Variants in DNAH6 observed in about 807,000 individuals in gnomAD.
DNAH6 encodes the protein dynein axonemal heavy chain 6.
DNAH6 carries 340 observed loss-of-function variants against 491.4 expected under a neutral mutation model. The ratio of observed to expected loss-of-function variants is 0.69; its 90% CI spans 0.63 to 0.76. DNAH6 has a LOEUF of 0.76. Among genes scored for constraint, DNAH6 ranks in the 30% least tolerant of loss-of-function variants. The pLI, the probability that DNAH6 is intolerant of heterozygous loss-of-function variation, is 0.00. For synonymous variants in DNAH6, 1,603 were observed against 1,686.1 expected, an observed-to-expected ratio of 0.95 and a Z score of 1.21; for missense variants, 4,443 against 4,972.2, an observed-to-expected ratio of 0.89 and a Z score of 3.20.
chr2:84,694,015 G>A (rs561634442), intron 45 of DNAH6, among the ~76,000 whole-genome samples: 1 of 152,304 alleles, frequency 6.6e-6, no homozygotes, highest in South Asian at 2.1e-4. Flanking sequence ...AAATTTGTAC[G>A]ACTAGGGCCG....
chr2:84,616,643 G>C (rs1439584983), intron 22 of DNAH6, among the ~76,000 whole-genome samples: 1 of 152,100 alleles, frequency 6.6e-6, no homozygotes, highest in Non-Finnish European at 1.5e-5. Flanking sequence ...GATTGGTAAA[G>C]AGGGAGTCAA....
chr2:84,779,225 A>G lies in DNAH6; in HGVS notation c.10704-2268A>G, dbSNP rs34503797. The stretch of plus-strand genomic sequence containing the variant: ...TTTCTGCCACAATGATGTGTCTAAT[A>G]CTGTCAGTGGGATCTTGAAGTACCC... On this transcript the variant is annotated intron_variant, in intron 64 of 76. Transcript: ENST00000389394. Among the ~76,000 whole-genome samples, 364 of 152,306 alleles carry G rather than the reference A, an allele frequency of 2.4e-3. 3 individuals are homozygous for G. Among genetic ancestry groups the G allele is most frequent in the Non-Finnish European group, 3.0e-3 (205 of 68,018 alleles).
intron 24 of DNAH6, 54 bp from the exon 25 acceptor site, chr2:84,621,137 A>G (rs1687355333): frequency 6.6e-7 from 1 of 1,526,144 alleles, no homozygotes; most frequent in South Asian, 1.2e-5. Flanking sequence ...CAGAAGGCAT[A>G]CAGCTTACAA....
the DNAH6 span, among the ~76,000 whole-genome samples, chr2:84,486,402 G>A: frequency 1.3e-5 from 2 of 152,194 alleles, no homozygotes; most frequent in African/African-American, 4.8e-5. Flanking sequence ...GCCTCCTCCA[G>A]CTTTACTCAC....
chr2:84,739,015 G>A (rs903107376), intron 62 of DNAH6, among the ~76,000 whole-genome samples: 1 of 152,140 alleles, frequency 6.6e-6, no homozygotes, highest in Non-Finnish European at 1.5e-5. Context: ...AGCATGCATT[G>A]TAGGGCCAGT....
chr2:84,532,264 A>G (rs1677247054), intron 4 of DNAH6, among the ~76,000 whole-genome samples: 1 of 152,186 alleles, frequency 6.6e-6, no homozygotes, highest in South Asian at 2.1e-4. Flanking sequence ...TTGGACTCAC[A>G]GAAGTGACGC....
At chr2:84,779,013 G>T (rs1473171623) in intron 64 of DNAH6, among the ~76,000 whole-genome samples, 1 of 152,050 alleles carries the variant, frequency 6.6e-6, no homozygotes, top group Non-Finnish European at 1.5e-5. Flanking sequence ...AGTATGCTTG[G>T]TATGATTTTG....
rs886615466 is a variant in DNAH6 at position 84,718,433 on chromosome 2, T to C, written c.9792+49T>C. On this transcript the variant is annotated intron_variant, in intron 59 of 76. Transcript: ENST00000389394. The stretch of plus-strand genomic sequence containing the variant: ...TATGGAAAGTATGTTACTTCAAAAG[T>C]TATAACTACAGCCTTTGAGGGTCCT... The C allele has an allele frequency of 1.8e-5, 25 of 1,421,628 alleles. No homozygotes were observed. In the African/African-American group the frequency reaches 3.2e-4, roughly 18 times the overall value. The allele number at this position is 1,421,628 out of a possible 1,614,324, so 88.1% of individuals were successfully genotyped here.
chr2:84,683,740 A>G lies in DNAH6; in HGVS notation c.6917-1586A>G, dbSNP rs188076729. ...GCCCGGCCAATATTTTTTTTTCTCTAAAAAGATTCTAACTAACATGTATAA... is the reference window on the plus strand; with the variant it reads ...GCCCGGCCAATATTTTTTTTTCTCTGAAAAGATTCTAACTAACATGTATAA... On this transcript the variant is annotated intron_variant, in intron 42 of 76. Transcript: ENST00000389394. Among the ~76,000 whole-genome samples, 18 of 152,014 alleles carry G rather than the reference A, an allele frequency of 1.2e-4. No homozygotes were observed. In the East Asian group the frequency reaches 3.1e-3, roughly 26 times the overall value.
chr2:84,721,301 T>C (rs1041230494), intron 59 of DNAH6, among the ~76,000 whole-genome samples: 12 of 152,172 alleles, frequency 7.9e-5, no homozygotes, highest in African/African-American at 2.7e-4. Flanking sequence ...TTGAGTCCCA[T>C]ATTAACATAG....
the DNAH6 span, among the ~76,000 whole-genome samples, chr2:84,473,871 C>T: frequency 2.6e-5 from 4 of 152,174 alleles, no homozygotes; most frequent in African/African-American, 9.7e-5. Context: ...TCCCTAGTTT[C>T]AGCTGCACAC....
chr2:84,525,589 C>A lies in DNAH6; in HGVS notation c.250C>A (p.His84Asn). ...GCCAGTGCTAAAAGTCTACCAAGATCATAAGCAGCCAGAATACATACATGA... is the reference window on the plus strand; with the variant it reads ...GCCAGTGCTAAAAGTCTACCAAGATAATAAGCAGCCAGAATACATACATGA... Reference protein sequence around the residue: ...PLPVLKVYQDHKQPEYIHEQN... With the variant: ...PLPVLKVYQDNKQPEYIHEQN... The change falls in exon 3 of 77, where the codon CAT becomes AAT. Residue 84 changes from histidine (H) to asparagine (N), a missense_variant. Coordinates refer to ENST00000389394, the MANE Select transcript of DNAH6 (RefSeq NM_001370.2). 6.5e-7 allele frequency: 1 copy of A among 1,547,176 alleles called. No homozygotes were observed. Among genetic ancestry groups the A allele is most frequent in the Non-Finnish European group, 8.7e-7 (1 of 1,145,438 alleles).
chr2:84,762,995 CT>C (rs1674735696), intron 64 of DNAH6, 50 bp downstream of exon 64: 3 of 1,432,860 alleles, frequency 2.1e-6, no homozygotes, highest in South Asian at 1.3e-5. Flanking sequence ...ATGAACATCT[CT>C]TTGTTAAAAT....
At chr2:84,780,778 G>A (rs529862855) in intron 64 of DNAH6, among the ~76,000 whole-genome samples, 2 of 138,990 alleles carry the variant, frequency 1.4e-5, no homozygotes, top group Non-Finnish European at 3.1e-5. Flanking sequence ...TTTCGTTGAG[G>A]CTTTTTTTTT....
At chr2:84,751,812 C>A (rs1558997664) in intron 63 of DNAH6, among the ~76,000 whole-genome samples, 1 of 152,316 alleles carries the variant, frequency 6.6e-6, no homozygotes, top group East Asian at 1.9e-4. Flanking sequence ...GGGGCCCATC[C>A]CCCAGTTTCT....
the DNAH6 span, among the ~76,000 whole-genome samples, chr2:84,476,306 C>T: frequency 6.6e-6 from 1 of 152,260 alleles, no homozygotes; most frequent in Admixed American, 6.5e-5. Flanking sequence ...AGGTCTCCCT[C>T]GGCTCTAGCC....
chr2:84,673,702 AAAGATGTAGGCTGGGAGG>A (rs1484700517), intron 40 of DNAH6, among the ~76,000 whole-genome samples: 14 of 152,206 alleles, frequency 9.2e-5, no homozygotes, highest in Non-Finnish European at 1.5e-5. Context: ...AGCATGGGAG[AAAGATGTAGGCTGGGAGG>A]AAGATGTAGT....
Position 84,529,021 on chromosome 2 carries a change from C to T in DNAH6, c.517C>T (p.His173Tyr), listed in dbSNP as rs1345164290. 3 of 1,551,402 alleles carry T rather than the reference C, an allele frequency of 1.9e-6. No homozygotes were observed. The highest frequency in any genetic ancestry group is 3.9e-5 in the Admixed American group (2 of 50,984). ...RSSAYPKYTFHDREEVVKANI... is the reference protein window; with the variant it reads ...RSSAYPKYTFYDREEVVKANI... ...TTCAGCTTACCCTAAGTACACTTTT[C>T]ACGACCGAGAAGAAGTTGTTAAAGC... The change falls in exon 4 of 77, where the codon CAC becomes TAC. Residue 173 changes from histidine to tyrosine, a missense_variant. Physicochemically the swap from His to Tyr is moderately conservative, Grantham distance 83. Coordinates refer to ENST00000389394, the MANE Select transcript of DNAH6 (RefSeq NM_001370.2).
intron 29 of DNAH6, among the ~76,000 whole-genome samples, chr2:84,627,293 A>G (rs1376587593): frequency 2.6e-5 from 4 of 152,184 alleles, no homozygotes; most frequent in African/African-American, 9.6e-5. Flanking sequence ...TTTGTATTTC[A>G]GTTTTGCGTC....
Sources: gnomAD v4.1 joint callset for allele counts (sites outside exome capture counted in the v4.1 genomes callset) on GRCh38, gnomAD v4.1.1 for gene constraint, MANE v1.5 for transcripts, NCBI Gene and HGNC (gene_info 2026-07-23, HGNC 2026-07-21) for gene names.